ALG12: variants seen among roughly 807,000 people sequenced by gnomAD.
ALG12 encodes ALG12 alpha-1,6-mannosyltransferase.
A neutral mutation model predicts 46.0 loss-of-function variants in ALG12; 36 were observed. The observed-to-expected ratio is 0.78, with a 90% CI of 0.60 to 1.03. The LOEUF is 1.03. ALG12 is among the 50% of genes least tolerant of loss of function. ALG12 has a pLI of 0.00. For missense variants in ALG12, 599 were observed against 633.5 expected (o/e 0.95, Z 0.58); for synonymous variants, 326 against 291.6 (o/e 1.12, Z -1.20).
chr22:49,899,294 G>A (rs570622449), downstream of ALG12, among the ~76,000 whole-genome samples: 1 of 152,008 alleles, frequency 6.6e-6, no homozygotes, highest in African/African-American at 2.4e-5. Flanking sequence ...GGCCAATATG[G>A]TGAAACCCTG....
rs2060545168 is a variant in ALG12, at chr22:49,906,888, G to A, written c.992+833C>T. 6.6e-6 allele frequency among the ~76,000 whole-genome samples: 1 copy of A among 152,106 alleles called. No individual in the cohort carries two copies. The highest frequency in any genetic ancestry group is 1.5e-5 in the Non-Finnish European group (1 of 67,988). ...GCACCCACAGGGCCCGGCAGTGATG[G>A]ACTCTCCTGGCTCCCTGAGGCTTGC... On this transcript the variant is annotated intron_variant, in intron 7 of 9. Coordinates refer to ENST00000330817, the MANE Select transcript of ALG12 (RefSeq NM_024105.4). This position sits in a 1 kb window ranked among gnomAD's most constrained non-coding sequence, Gnocchi z 4.4.
At chr22:49,890,019 T>A in the ALG12 span, 1 of 167,034 alleles carries the variant, frequency 6.0e-6, no homozygotes, top group Admixed American at 6.5e-5. Flanking sequence ...CTTTAAAAAA[T>A]TTGTGGAAAT....
In ALG12 at chr22:49,914,441, C is replaced by T. The variant is rs568619837; in HGVS notation, c.-78-598G>A. On this transcript the variant is annotated intron_variant, in intron 1 of 9. Transcript: ENST00000330817. Reference sequence around the variant, plus strand: ...CCTGGGGGCTGGGAGAAGCCATGGCCGGCTTTCCCAAAGGTGGCACCACAC... The same window carrying T: ...CCTGGGGGCTGGGAGAAGCCATGGCTGGCTTTCCCAAAGGTGGCACCACAC... 8.5e-5 allele frequency among the ~76,000 whole-genome samples: 13 copies of T among 152,252 alleles called. No homozygotes were observed. The East Asian group carries it at 9.6e-4, about 11-fold the overall frequency.
chr22:49,878,973 T>C, the ALG12 span, among the ~76,000 whole-genome samples: 1 of 151,398 alleles, frequency 6.6e-6, no homozygotes, highest in Non-Finnish European at 1.5e-5. Flanking sequence ...TGAAACCCCG[T>C]CTCTACTAAA....
downstream of ALG12, among the ~76,000 whole-genome samples, chr22:49,897,067 T>C (rs8137938): frequency 0.24 from 36,263 of 152,046 alleles, 8,158 homozygotes; most frequent in African/African-American, 0.6. Context: ...TTTCCTTTTC[T>C]AAAATATCAA....
rs148768038 is a variant in ALG12 at position 49,914,781 on chromosome 22, G to C, written c.-78-938C>G. 3.4e-3 allele frequency among the ~76,000 whole-genome samples: 523 copies of C among 152,358 alleles called. 5 individuals carry two copies. Among genetic ancestry groups the C allele is most frequent in the African/African-American group, 0.012 (480 of 41,572 alleles). On this transcript the variant is annotated intron_variant, in intron 1 of 9. Coordinates refer to ENST00000330817, the MANE Select transcript of ALG12 (RefSeq NM_024105.4). Reference sequence around the variant, plus strand: ...GACAGCGTCTTACTCTGTCACCCAAGCTGGAGTGCAGTGGAGTGATCATGG... The same window carrying C: ...GACAGCGTCTTACTCTGTCACCCAACCTGGAGTGCAGTGGAGTGATCATGG...
chr22:49,916,700 C>T (rs1347664294), intron 1 of ALG12, among the ~76,000 whole-genome samples: 1 of 152,246 alleles, frequency 6.6e-6, no homozygotes, highest in Non-Finnish European at 1.5e-5. Context: ...AAAATAATCC[C>T]AGCTACTCAG....
the ALG12 span, among the ~76,000 whole-genome samples, chr22:49,866,739 T>C: frequency 1.0e-3 from 158 of 152,342 alleles, no homozygotes; most frequent in Non-Finnish European, 1.9e-3. Context: ...CAGAATTCTT[T>C]TCTGTTGCCT....
chr22:49,912,481 C>T (rs12163232), intron 3 of ALG12, among the ~76,000 whole-genome samples: 2 of 152,210 alleles, frequency 1.3e-5, no homozygotes, highest in Non-Finnish European at 2.9e-5. Flanking sequence ...TTGGGGCTTC[C>T]TGATGCCTCT....
downstream of ALG12, among the ~76,000 whole-genome samples, chr22:49,900,072 G>C (rs2060497693): frequency 6.6e-6 from 1 of 152,166 alleles, no homozygotes; most frequent in South Asian, 2.1e-4. Context: ...GCTGAGGTGG[G>C]AGGAAGGCTT....
the ALG12 span, among the ~76,000 whole-genome samples, chr22:49,869,192 G>A: frequency 1.3e-5 from 2 of 152,042 alleles, no homozygotes; most frequent in African/African-American, 4.8e-5. Context: ...TCAGGGTCAG[G>A]GCAGAGTTGG....
At position 49,904,376 on chromosome 22, in the gene ALG12, C is replaced by A; in HGVS notation, c.1123G>T (p.Ala375Ser). 10 of 1,614,198 alleles carry A rather than the reference C, an allele frequency of 6.2e-6. No homozygotes were observed. Among genetic ancestry groups the A allele is most frequent in the Non-Finnish European group, 8.5e-6 (10 of 1,180,038 alleles). The change falls in exon 8 of 10, where the codon GCA (alanine) becomes TCA (serine). Residue 375 changes from alanine to serine, a missense_variant. Physicochemically the swap from Ala to Ser is moderately conservative, Grantham distance 99. Coordinates refer to ENST00000330817, the MANE Select transcript of ALG12 (RefSeq NM_024105.4). ...VSHFNYPGGV[A>S]MQRLHQLVPP... Reference sequence around the variant, plus strand: ...ACCAGCTGGTGCAGCCTCTGCATTGCGACGCCACCTGGGTAGTTGAAATGG... The same window carrying A: ...ACCAGCTGGTGCAGCCTCTGCATTGAGACGCCACCTGGGTAGTTGAAATGG...
the ALG12 span, chr22:49,884,963 A>T: frequency 1.2e-6 from 2 of 1,612,376 alleles, no homozygotes; most frequent in African/African-American, 2.7e-5. Flanking sequence ...CAGCAGGCTG[A>T]TGGGCTGAGT....
In ALG12 at chr22:49,903,469, G is replaced by T; in HGVS notation, c.*369C>A. 4.2e-6 allele frequency: 2 copies of T among 480,222 alleles called. No individual in the cohort carries two copies. Among genetic ancestry groups the T allele is most frequent in the Non-Finnish European group, 8.2e-6 (2 of 243,002 alleles). 29.7% of individuals were successfully genotyped at this position (480,222 alleles called of 1,614,324 possible). On this transcript the variant is annotated 3_prime_UTR_variant, in exon 10 of 10. Transcript: ENST00000330817. ...TGCTGCCAAAATACAGCTCCCCCTG[G>T]GTGGGCAGGACACACGTGGCCTCCT...
At chr22:49,885,660 T>C in the ALG12 span, 1 of 1,612,974 alleles carries the variant, frequency 6.2e-7, no homozygotes, top group Non-Finnish European at 8.5e-7. Flanking sequence ...CTGAAATGAT[T>C]GCACTTGACC....
intron 1 of ALG12, among the ~76,000 whole-genome samples, chr22:49,917,966 C>A (rs1231981520): frequency 6.6e-6 from 1 of 151,832 alleles, no homozygotes; most frequent in Non-Finnish European, 1.5e-5. Flanking sequence ...GTGAGGAGCC[C>A]GGCCCCAGGT....
At chr22:49,888,245 A>AAAAG in the ALG12 span, 1 of 167,048 alleles carries the variant, frequency 6.0e-6, no homozygotes, top group Non-Finnish European at 1.5e-5. Flanking sequence ...TTCAGAGAAA[A>AAAAG]AAAGATTCAT....
chr22:49,885,921 C>A, the ALG12 span: 1 of 911,474 alleles, frequency 1.1e-6, no homozygotes, highest in Non-Finnish European at 1.8e-6. Context: ...GGGTTTCCTT[C>A]GAGTCGCCAG....
At chr22:49,866,923 C>T in the ALG12 span, among the ~76,000 whole-genome samples, 2 of 152,204 alleles carry the variant, frequency 1.3e-5, no homozygotes, top group African/African-American at 4.8e-5. Flanking sequence ...CTTGCGCCTT[C>T]AGGAGGTCAC....
Sources: gnomAD v4.1 joint callset for allele counts (sites outside exome capture counted in the v4.1 genomes callset) on GRCh38, gnomAD v4.1.1 for gene constraint, Gnocchi (gnomAD v3.1) non-coding constraint, MANE v1.5 for transcripts, NCBI Gene and HGNC (gene_info 2026-07-23, HGNC 2026-07-21) for gene names.